The following DCC variants were observed in gnomAD, a reference collection of about 807,000 sequenced individuals.
The protein encoded by DCC is DCC netrin 1 receptor.
DCC carries 58 observed loss-of-function variants against 172.5 expected under a neutral mutation model. The observed-to-expected ratio is 0.34, with a 90% CI of 0.27 to 0.42. The LOEUF is 0.42. Among genes scored for constraint, DCC ranks in the 10% least tolerant of loss-of-function variants. The probability of loss-of-function intolerance (pLI) is 1.00; values close to 1 mark genes in which losing one functional copy is unlikely to be tolerated. For missense variants in DCC, 1,740 were observed against 1,791.0 expected, an observed-to-expected ratio of 0.97 and a Z score of 0.51; for synonymous variants, 709 against 644.5, an observed-to-expected ratio of 1.10 and a Z score of -1.52.
At chr18:53,172,805 A>G (rs1372344982) in intron 8 of DCC, among the ~76,000 whole-genome samples, 1 of 152,102 alleles carries the variant, frequency 6.6e-6, no homozygotes, top group East Asian at 1.9e-4. Context: ...GATCCAAAGA[A>G]GTTCCTTATT....
chr18:53,169,033 T>C (rs1190229129), intron 8 of DCC, among the ~76,000 whole-genome samples: 3 of 152,182 alleles, frequency 2.0e-5, no homozygotes, highest in African/African-American at 7.2e-5. Context: ...ATGCAATACA[T>C]TTAAGTACCA....
intron 2 of DCC, among the ~76,000 whole-genome samples, chr18:52,886,781 G>C (rs1215175520): frequency 2.0e-5 from 3 of 152,000 alleles, no homozygotes; most frequent in Non-Finnish European, 4.4e-5. Flanking sequence ...TGGTTCTTCT[G>C]ATGGTGCTTT....
At chr18:52,909,079 G>T (rs959258277) in intron 3 of DCC, among the ~76,000 whole-genome samples, 8 of 152,060 alleles carry the variant, frequency 5.3e-5, no homozygotes, top group African/African-American at 1.9e-4. Context: ...AAGATTGAGT[G>T]AGTGCATGAA....
intron 1 of DCC, among the ~76,000 whole-genome samples, chr18:52,599,777 G>A (rs1219882555): frequency 6.6e-6 from 1 of 152,122 alleles, no homozygotes; most frequent in Non-Finnish European, 1.5e-5. Flanking sequence ...ACCTCCCAAA[G>A]TGCTGGGATA....
intron 1 of DCC, among the ~76,000 whole-genome samples, chr18:52,449,783 G>A (rs1988243994): frequency 6.6e-6 from 1 of 152,126 alleles, no homozygotes; most frequent in South Asian, 2.1e-4. Flanking sequence ...TAGTGAATAA[G>A]TCTCATGAGA....
intron 5 of DCC, among the ~76,000 whole-genome samples, chr18:53,019,220 A>C (rs2041847076): frequency 6.6e-6 from 1 of 152,194 alleles, no homozygotes; most frequent in South Asian, 2.1e-4. Context: ...TGTTACTTCA[A>C]CATCACTTGA....
intron 1 of DCC, among the ~76,000 whole-genome samples, chr18:52,426,887 G>A (rs1463361768): frequency 2.0e-5 from 3 of 152,122 alleles, no homozygotes; most frequent in Admixed American, 6.6e-5. Flanking sequence ...TAATAATAAC[G>A]ATTCATTGAA....
At chr18:52,511,343 G>A (rs1267918616) in intron 1 of DCC, among the ~76,000 whole-genome samples, 1 of 151,592 alleles carries the variant, frequency 6.6e-6, no homozygotes, top group East Asian at 1.9e-4. Context: ...GGTTTGATAA[G>A]GGGAATTATG....
intron 3 of DCC, among the ~76,000 whole-genome samples, chr18:52,906,856 T>C (rs1341282476): frequency 6.4e-4 from 2 of 3,136 alleles, no homozygotes; most frequent in African/African-American, 9.6e-4. Context: ...TACAGGGCTG[T>C]TTTTTTTTAC....
chr18:52,976,940 G>C (rs1395247982), intron 5 of DCC, among the ~76,000 whole-genome samples: 1 of 152,112 alleles, frequency 6.6e-6, no homozygotes, highest in African/African-American at 2.4e-5. Flanking sequence ...TCTTAAGTTT[G>C]TAAACCTTAA....
chr18:53,336,667 C>T (rs2057594960), intron 14 of DCC, among the ~76,000 whole-genome samples: 1 of 152,164 alleles, frequency 6.6e-6, no homozygotes, highest in South Asian at 2.1e-4. Context: ...GCCTGAACAA[C>T]ATAGCAAAAC....
At chr18:52,601,289 T>C (rs1356274212) in intron 1 of DCC, among the ~76,000 whole-genome samples, 1 of 152,090 alleles carries the variant, frequency 6.6e-6, no homozygotes, top group Non-Finnish European at 1.5e-5. Flanking sequence ...TGTGATCATA[T>C]CATAAATTCA....
intron 1 of DCC, among the ~76,000 whole-genome samples, chr18:52,456,995 G>GTGA (rs1331752519): frequency 6.6e-6 from 1 of 151,806 alleles, no homozygotes; most frequent in African/African-American, 2.4e-5. Context: ...TTGTATTGAA[G>GTGA]TGAATAGAAT....
intron 5 of DCC, among the ~76,000 whole-genome samples, chr18:52,975,738 G>A (rs150888276): frequency 0.014 from 2,109 of 152,262 alleles, 54 homozygotes; most frequent in African/African-American, 0.049. Flanking sequence ...TGTACCACAT[G>A]TTCTTTATCC....
chr18:52,635,479 T>C (rs35281210), intron 1 of DCC, among the ~76,000 whole-genome samples: 21,936 of 152,230 alleles, frequency 0.14, 1,820 homozygotes, highest in Middle Eastern at 0.19. Context: ...AAACTGATTA[T>C]ATATTATTTG....
chr18:52,849,263 C>T (rs555460394), intron 2 of DCC, among the ~76,000 whole-genome samples: 2 of 152,260 alleles, frequency 1.3e-5, no homozygotes, highest in South Asian at 2.1e-4. Context: ...CTGCTGTTTC[C>T]ATCTGCCCTA....
intron 1 of DCC, among the ~76,000 whole-genome samples, chr18:52,636,390 A>AG (rs61157284): frequency 1 from 152,258 of 152,260 alleles, 76,128 homozygotes; most frequent in Non-Finnish European, 1. Context: ...AGGCAGGGGA[A>AG]AACCAAGCCC....
rs200701935 is a variant in DCC, at chr18:52,448,625, C to G, written c.91+107747C>G. Among the ~76,000 whole-genome samples the G allele has an allele frequency of 2.0e-5, 3 of 152,156 alleles. No individual in the cohort carries two copies. The East Asian group carries it at 5.8e-4, about 29-fold the overall frequency. ...TGGGTGGTGGTGGAAGAGGGAGAGA[C>G]AGATGGAAAAACACATTTTATTAGA... On this transcript the variant is annotated intron_variant, in intron 1 of 28. Coordinates refer to ENST00000442544, the MANE Select transcript of DCC (RefSeq NM_005215.4).
intron 1 of DCC, among the ~76,000 whole-genome samples, chr18:52,708,611 T>A (rs115591371): frequency 8.5e-4 from 129 of 152,244 alleles, no homozygotes; most frequent in African/African-American, 2.9e-3. Flanking sequence ...AAAGAGATGC[T>A]GTAGCAGTGG....
Sources: gnomAD v4.1 joint callset for allele counts (sites outside exome capture counted in the v4.1 genomes callset) on GRCh38, gnomAD v4.1.1 for gene constraint, MANE v1.5 for transcripts, NCBI Gene and HGNC (gene_info 2026-07-23, HGNC 2026-07-21) for gene names.